Variants in BCAR3 observed in about 807,000 individuals in gnomAD.
BCAR3 encodes the protein breast cancer anti-estrogen resistance protein 3.
BCAR3 carries 37 observed loss-of-function variants against 80.1 expected under a neutral mutation model. The observed-to-expected ratio is 0.46, with a 90% confidence interval of 0.36 to 0.61. The LOEUF (loss-of-function observed/expected upper bound fraction) is 0.61, where lower values mean the gene tolerates loss of function less well. Ranked by LOEUF, BCAR3 falls within the 20% of genes least tolerant of loss-of-function variation. BCAR3 has a pLI of 0.00. For synonymous variants in BCAR3, 389 were observed against 418.9 expected, an observed-to-expected ratio of 0.93 and a Z score of 0.87; for missense variants, 978 against 1,068.2, an observed-to-expected ratio of 0.92 and a Z score of 1.18.
intron 3 of BCAR3, among the ~76,000 whole-genome samples, chr1:93,638,299 G>T (rs1675861389): frequency 6.6e-6 from 1 of 152,134 alleles, no homozygotes; most frequent in Admixed American, 6.5e-5. Flanking sequence ...GGGGTGGGGG[G>T]TCTCAGGGGA....
intron 2 of BCAR3, among the ~76,000 whole-genome samples, chr1:93,822,043 AAG>A (rs765410117): frequency 5.9e-5 from 9 of 152,190 alleles, no homozygotes; most frequent in Non-Finnish European, 1.3e-4. Context: ...GATATGCTTG[AAG>A]AGAGTGTTAG....
chr1:93,723,987 T>C (rs144438519), intron 2 of BCAR3, among the ~76,000 whole-genome samples: 34 of 152,332 alleles, frequency 2.2e-4, no homozygotes, highest in African/African-American at 7.9e-4. Context: ...GGGGACCTCA[T>C]AGCAGTGCCT....
chr1:93,722,707 T>A (rs1307628295), intron 2 of BCAR3, among the ~76,000 whole-genome samples: 1 of 152,140 alleles, frequency 6.6e-6, no homozygotes, highest in East Asian at 1.9e-4. Context: ...AGGAGGCTTG[T>A]GTTCCGGGCT....
chr1:93,771,775 C>T (rs1187387917), intron 2 of BCAR3, among the ~76,000 whole-genome samples: 4 of 152,306 alleles, frequency 2.6e-5, no homozygotes, highest in Non-Finnish European at 4.4e-5. Context: ...GGTGCTGAGG[C>T]CTTTTAGGGC....
At chr1:93,671,382 G>C (rs1488600626) in intron 2 of BCAR3, among the ~76,000 whole-genome samples, 2 of 152,166 alleles carry the variant, frequency 1.3e-5, no homozygotes, top group African/African-American at 4.8e-5. Flanking sequence ...AAGACAAAGA[G>C]GTGCTTATCT....
chr1:93,638,659 G>A (rs781151501), intron 3 of BCAR3, among the ~76,000 whole-genome samples: 39 of 152,198 alleles, frequency 2.6e-4, no homozygotes, highest in South Asian at 8.3e-4. Flanking sequence ...GCCAGGAACC[G>A]AAGTCACTAG....
At chr1:93,598,184 G>A (rs1674498362) in intron 3 of BCAR3, among the ~76,000 whole-genome samples, 1 of 152,164 alleles carries the variant, frequency 6.6e-6, no homozygotes, top group African/African-American at 2.4e-5. Context: ...GAGCATCAGA[G>A]CCTGCATTTC....
At chr1:93,723,265 G>A (rs553525842) in intron 2 of BCAR3, 1 of 152,368 alleles carries the variant, frequency 6.6e-6, no homozygotes, top group South Asian at 2.1e-4. Context: ...TCCTCTGGCC[G>A]AGCTGCCCTG....
At chr1:93,571,866 A>G (rs369366060) in intron 8 of BCAR3, 25 bp from the exon 9 acceptor site, 7 of 1,605,470 alleles carry the variant, frequency 4.4e-6, no homozygotes, top group Non-Finnish European at 6.0e-6. Context: ...ATCAGCGGTC[A>G]GGTTCAGGGC....
At chr1:93,569,731 A>AG (rs1673129869) in intron 9 of BCAR3, among the ~76,000 whole-genome samples, 1 of 143,394 alleles carries the variant, frequency 7.0e-6, no homozygotes, top group Non-Finnish European at 1.6e-5. Flanking sequence ...GTGCTCCAGA[A>AG]GGGAAAGGCT....
At chr1:93,751,020 C>G (rs556603161) in intron 2 of BCAR3, among the ~76,000 whole-genome samples, 134 of 152,320 alleles carry the variant, frequency 8.8e-4, no homozygotes, top group African/African-American at 3.1e-3. Flanking sequence ...AACAGTCACA[C>G]TGGGTAACAA....
chr1:93,721,890 A>G (rs1166244842), intron 2 of BCAR3, among the ~76,000 whole-genome samples: 1 of 152,212 alleles, frequency 6.6e-6, no homozygotes, highest in East Asian at 1.9e-4. Context: ...CAGAGTGCCT[A>G]CTGGCTATGA....
At chr1:93,826,715 G>T (rs557006957) in intron 2 of BCAR3, among the ~76,000 whole-genome samples, 1 of 152,158 alleles carries the variant, frequency 6.6e-6, no homozygotes, top group African/African-American at 2.4e-5. Context: ...AGAACAGTCA[G>T]GGGAGATCTC....
chr1:93,649,842 C>T (rs1401173510), intron 2 of BCAR3, among the ~76,000 whole-genome samples: 3 of 150,242 alleles, frequency 2.0e-5, no homozygotes, highest in South Asian at 4.3e-4. Flanking sequence ...TCTAGTATTC[C>T]GTAAGGTAGA....
At chr1:93,583,287 A>T (rs1265647885) in intron 6 of BCAR3, among the ~76,000 whole-genome samples, 1 of 152,134 alleles carries the variant, frequency 6.6e-6, no homozygotes, top group Non-Finnish European at 1.5e-5. Context: ...GGGCATGAAT[A>T]ATGTAATCTT....
intron 2 of BCAR3, among the ~76,000 whole-genome samples, chr1:93,798,094 C>T (rs1653344117): frequency 6.6e-6 from 1 of 152,118 alleles, no homozygotes; most frequent in Admixed American, 6.5e-5. Flanking sequence ...ATAGTGTTTT[C>T]CCCAGGCAAA....
At chr1:93,748,940 A>G (rs1651449599) in intron 2 of BCAR3, among the ~76,000 whole-genome samples, 3 of 152,324 alleles carry the variant, frequency 2.0e-5, no homozygotes, top group Admixed American at 2.0e-4. Context: ...AAGGTGCTGA[A>G]TCAACATTTG....
At position 93,825,194 on chromosome 1, in the gene BCAR3, G is replaced by A. The variant is rs1231627831; in HGVS notation, c.-63+20373C>T. ...CATGATACAATACTGGAGTGCTAACGCCTATGTCCCCCACTCAGCCTCAGG... is the reference window on the plus strand; with the variant it reads ...CATGATACAATACTGGAGTGCTAACACCTATGTCCCCCACTCAGCCTCAGG... On this transcript the variant is annotated intron_variant, in intron 2 of 13. Coordinates refer to the BCAR3 transcript ENST00000370244. 1.5e-5 allele frequency among the ~76,000 whole-genome samples: 2 copies of A among 133,450 alleles called. 1 individual carries two copies. The highest frequency in any genetic ancestry group is 3.4e-5 in the Non-Finnish European group (2 of 59,178). 87.5% of individuals were successfully genotyped at this position (133,450 alleles called of 152,430 possible).
chr1:93,769,332 T>G (rs571314306), intron 2 of BCAR3, among the ~76,000 whole-genome samples: 1 of 150,766 alleles, frequency 6.6e-6, no homozygotes, highest in African/African-American at 2.4e-5. Flanking sequence ...GATTACAGTT[T>G]AGGACTAAAT....
Sources: allele counts gnomAD v4.1 joint callset (sites outside exome capture counted in the v4.1 genomes callset), GRCh38; gene constraint gnomAD v4.1.1; transcripts MANE v1.5; gene names NCBI Gene and HGNC (gene_info 2026-07-23, HGNC 2026-07-21).